Variants in PIK3C2G observed in about 807,000 individuals in gnomAD.
PIK3C2G encodes the protein phosphatidylinositol-4-phosphate 3-kinase catalytic subunit type 2 gamma.
PIK3C2G carries 168 observed loss-of-function variants against 181.1 expected under a neutral mutation model. The ratio of observed to expected loss-of-function variants is 0.93; its 90% CI spans 0.82 to 1.05. PIK3C2G has a LOEUF of 1.05. PIK3C2G is among the 50% of genes least tolerant of loss of function. The probability of loss-of-function intolerance (pLI) is 0.00; values close to 1 mark genes in which losing one functional copy is unlikely to be tolerated. For synonymous variants in PIK3C2G, 573 were observed against 592.2 expected (o/e 0.97, Z 0.47); for missense variants, 1,869 against 1,732.8 (o/e 1.08, Z -1.40).
chr12:18,670,510 TA>T, the PIK3C2G span, among the ~76,000 whole-genome samples: 1 of 152,308 alleles, frequency 6.6e-6, no homozygotes, highest in South Asian at 2.1e-4. Context: ...ACACAGTTCT[TA>T]ACCTCTTTAA....
At chr12:18,399,009 A>T (rs920006197) in intron 15 of PIK3C2G, among the ~76,000 whole-genome samples, 1 of 151,040 alleles carries the variant, frequency 6.6e-6, no homozygotes, top group South Asian at 2.1e-4. Context: ...TCCCGGCTAA[A>T]ACGGTGAAAC....
chr12:18,612,311 T>C (rs1302515076), intron 31 of PIK3C2G, among the ~76,000 whole-genome samples: 2 of 152,130 alleles, frequency 1.3e-5, no homozygotes, highest in South Asian at 2.1e-4. Flanking sequence ...AGTAAAGTCC[T>C]ATCTGACTCC....
chr12:18,359,322 A>C (rs892291031), intron 11 of PIK3C2G, among the ~76,000 whole-genome samples: 13 of 152,142 alleles, frequency 8.5e-5, no homozygotes, highest in African/African-American at 2.4e-5. Context: ...GAGTTTTCTT[A>C]AATTTGTTGA....
the PIK3C2G span, among the ~76,000 whole-genome samples, chr12:18,711,277 C>T: frequency 5.4e-5 from 8 of 149,324 alleles, no homozygotes; most frequent in African/African-American, 1.5e-4. Flanking sequence ...AGCAAACTAT[C>T]GCAAGGACAA....
At chr12:18,539,270 A>G (rs1048671324) in intron 25 of PIK3C2G, among the ~76,000 whole-genome samples, 13 of 151,958 alleles carry the variant, frequency 8.6e-5, no homozygotes. Flanking sequence ...TCTACCTTGT[A>G]GAGTTAATGA....
the PIK3C2G span, among the ~76,000 whole-genome samples, chr12:18,690,954 T>C: frequency 6.6e-6 from 1 of 152,124 alleles, no homozygotes; most frequent in East Asian, 1.9e-4. Context: ...GTATGCATGA[T>C]AATATTAGCA....
chr12:18,383,471 T>G (rs1278263072), intron 14 of PIK3C2G, among the ~76,000 whole-genome samples: 1 of 152,174 alleles, frequency 6.6e-6, no homozygotes. Context: ...CCAGAGGACA[T>G]GACATTTGAA....
chr12:18,533,965 T>TC (rs1943701615), intron 24 of PIK3C2G, among the ~76,000 whole-genome samples: 1 of 119,436 alleles, frequency 8.4e-6, no homozygotes, highest in African/African-American at 3.2e-5. Flanking sequence ...TTTTTTTTTT[T>TC]CTGAGACAGA....
intron 30 of PIK3C2G, among the ~76,000 whole-genome samples, chr12:18,595,900 C>T (rs1163376198): frequency 1.3e-5 from 2 of 152,102 alleles, no homozygotes; most frequent in Non-Finnish European, 2.9e-5. Flanking sequence ...AGAATATGGT[C>T]TTTGCTATAC....
At chr12:18,302,956 C>T (rs983584776) in intron 5 of PIK3C2G, among the ~76,000 whole-genome samples, 4 of 151,870 alleles carry the variant, frequency 2.6e-5, no homozygotes, top group East Asian at 2.0e-4. Flanking sequence ...GGGTCCCAGA[C>T]GTTAGGCTTG....
At position 18,626,242 on chromosome 12, in the gene PIK3C2G, C is replaced by T. The variant is rs145223123; in HGVS notation, c.4183-14187C>T. On this transcript the variant is annotated intron_variant, in intron 31 of 32. Transcript: ENST00000538779. ...CCTGATGCTTACAAATAATATCTTTCGCTTACAACAGTCTATTTCAAGCCA... is the reference window on the plus strand; with the variant it reads ...CCTGATGCTTACAAATAATATCTTTTGCTTACAACAGTCTATTTCAAGCCA... 5.7e-3 allele frequency among the ~76,000 whole-genome samples: 865 copies of T among 151,850 alleles called. 2 individuals carry two copies. The highest frequency in any genetic ancestry group is 0.01 in the Middle Eastern group (3 of 294).
At position 18,289,345 on chromosome 12, in the gene PIK3C2G, A is replaced by G. The variant is rs369322495; in HGVS notation, c.762-1510A>G. Among the ~76,000 whole-genome samples, 16 of 152,242 alleles carry G rather than the reference A, an allele frequency of 1.1e-4. No homozygotes were observed. In the East Asian group the frequency reaches 1.2e-3, roughly 11 times the overall value. ...GAAAGAAGTTTCTGGCCCATGGTAG[A>G]TGCTCAGCAAAAGTTTAGGAGAGAA... is the stretch of plus-strand genomic sequence containing the variant. On this transcript the variant is annotated intron_variant, in intron 3 of 32. Transcript: ENST00000538779.
intron 12 of PIK3C2G, among the ~76,000 whole-genome samples, chr12:18,363,765 GT>G (rs1451268010): frequency 1.3e-5 from 2 of 152,116 alleles, no homozygotes; most frequent in Non-Finnish European, 2.9e-5. Flanking sequence ...AGAGGATGAT[GT>G]TAGATAGCAC....
intron 24 of PIK3C2G, among the ~76,000 whole-genome samples, chr12:18,532,043 A>C (rs1007187700): frequency 6.6e-6 from 1 of 152,046 alleles, no homozygotes; most frequent in Non-Finnish European, 1.5e-5. Flanking sequence ...AGTGTTTGGT[A>C]TTGTTTTATT....
intron 16 of PIK3C2G, among the ~76,000 whole-genome samples, chr12:18,413,122 G>T (rs1944968354): frequency 6.6e-6 from 1 of 151,922 alleles, no homozygotes; most frequent in Non-Finnish European, 1.5e-5. Flanking sequence ...TTGTCTCTCA[G>T]TGTCTTCATT....
At chr12:18,459,383 G>C (rs1047719628) in intron 18 of PIK3C2G, among the ~76,000 whole-genome samples, 2 of 152,150 alleles carry the variant, frequency 1.3e-5, no homozygotes, top group Non-Finnish European at 2.9e-5. Context: ...TGAAAAACCA[G>C]TTAATAAACT....
chr12:18,549,416 T>A (rs933069421), intron 26 of PIK3C2G, among the ~76,000 whole-genome samples: 1 of 152,096 alleles, frequency 6.6e-6, no homozygotes, highest in African/African-American at 2.4e-5. Context: ...GCTTCTTGTG[T>A]GTCAAGCCCT....
chr12:18,554,194 G>A (rs191790745), intron 26 of PIK3C2G, among the ~76,000 whole-genome samples: 9 of 152,160 alleles, frequency 5.9e-5, no homozygotes, highest in Admixed American at 2.6e-4. Context: ...CATAATGAGC[G>A]CTCTTCCCAG....
chr12:18,677,338 C>T, the PIK3C2G span, among the ~76,000 whole-genome samples: 3 of 152,070 alleles, frequency 2.0e-5, no homozygotes, highest in Non-Finnish European at 2.9e-5. Context: ...GAATCAGCAC[C>T]GTGCAATCAA....
Sources: allele counts gnomAD v4.1 joint callset (sites outside exome capture counted in the v4.1 genomes callset), GRCh38; gene constraint gnomAD v4.1.1; transcripts MANE v1.5; gene names NCBI Gene and HGNC (gene_info 2026-07-23, HGNC 2026-07-21).